CCDC192: variants seen among roughly 807,000 people sequenced by gnomAD.
The protein encoded by CCDC192 is coiled-coil domain-containing protein 192.
intron 6 of CCDC192, among the ~76,000 whole-genome samples, chr5:127,912,261 C>T (rs558696096): frequency 6.6e-6 from 1 of 151,830 alleles, no homozygotes; most frequent in African/African-American, 2.4e-5. Context: ...AACAAGGAAA[C>T]AACATCAAGC....
intron 2 of CCDC192, among the ~76,000 whole-genome samples, chr5:127,735,493 C>T (rs1355681748): frequency 2.5e-5 from 3 of 118,176 alleles, no homozygotes; most frequent in Non-Finnish European, 5.3e-5. Context: ...ATGGGGATGG[C>T]ATTGAATCTG....
intron 2 of CCDC192, among the ~76,000 whole-genome samples, chr5:127,745,140 T>A (rs1025285596): frequency 6.6e-6 from 1 of 152,176 alleles, no homozygotes; most frequent in Admixed American, 6.5e-5. Flanking sequence ...CAAAGTCCCA[T>A]CTGTCTTCTG....
At chr5:127,894,368 A>G (rs1752817497) in intron 6 of CCDC192, among the ~76,000 whole-genome samples, 1 of 151,440 alleles carries the variant, frequency 6.6e-6, no homozygotes, top group Non-Finnish European at 1.5e-5. Flanking sequence ...AATTTTTTGT[A>G]TTTTTAATAG....
intron 6 of CCDC192, among the ~76,000 whole-genome samples, chr5:127,886,502 C>T (rs1752563752): frequency 6.6e-6 from 1 of 152,142 alleles, no homozygotes; most frequent in African/African-American, 2.4e-5. Context: ...TCCTCGTCCT[C>T]CTCAGATGCT....
chr5:127,769,720 A>AT (rs1338489099), intron 3 of CCDC192, among the ~76,000 whole-genome samples: 1 of 152,192 alleles, frequency 6.6e-6, no homozygotes, highest in Non-Finnish European at 1.5e-5. Flanking sequence ...GTAATATTTT[A>AT]TTGTGAGGTT....
chr5:127,717,207 G>A (rs115244294), intron 2 of CCDC192, among the ~76,000 whole-genome samples: 2,583 of 152,164 alleles, frequency 0.017, 37 homozygotes, highest in African/African-American at 0.039. Flanking sequence ...TCATTGCAAT[G>A]TTCATATATT....
At chr5:127,859,889 G>C (rs1484964927) in intron 5 of CCDC192, among the ~76,000 whole-genome samples, 2 of 152,048 alleles carry the variant, frequency 1.3e-5, no homozygotes, top group Non-Finnish European at 2.9e-5. Context: ...ATTCTTACTT[G>C]ATTCTTTTTC....
intron 5 of CCDC192, among the ~76,000 whole-genome samples, chr5:127,824,908 A>G (rs529625420): frequency 6.6e-6 from 1 of 152,330 alleles, no homozygotes. Flanking sequence ...TTGTTTCGAG[A>G]GAAGCAATGA....
chr5:127,835,873 A>G (rs1750012677), intron 5 of CCDC192, among the ~76,000 whole-genome samples: 1 of 152,132 alleles, frequency 6.6e-6, no homozygotes, highest in African/African-American at 2.4e-5. Context: ...TTCGGTGGAG[A>G]GACAAAGCCT....
intron 3 of CCDC192, among the ~76,000 whole-genome samples, chr5:127,756,320 C>G (rs1754590820): frequency 6.6e-6 from 1 of 152,026 alleles, no homozygotes; most frequent in Admixed American, 6.6e-5. Context: ...GTGCAGGAGA[C>G]CGGGATTTTA....
At chr5:127,857,231 G>T (rs542534876) in intron 5 of CCDC192, among the ~76,000 whole-genome samples, 1 of 152,214 alleles carries the variant, frequency 6.6e-6, no homozygotes, top group Non-Finnish European at 1.5e-5. Flanking sequence ...CTTACATAGG[G>T]TTACTCAACT....
chr5:127,773,063 A>G (rs1580633451), intron 3 of CCDC192, among the ~76,000 whole-genome samples: 1 of 152,190 alleles, frequency 6.6e-6, no homozygotes, highest in African/African-American at 2.4e-5. Context: ...TAGCTACCTC[A>G]CAGAAGAGAA....
rs1322080678 is a variant in CCDC192, at chr5:127,840,725, A to T, written c.412-34813A>T. Reference sequence around the variant, plus strand: ...GACTAAATGTAAAATATTCATCATTATCTAGGTTTAAGAGCAAGACTAGTG... The same window carrying T: ...GACTAAATGTAAAATATTCATCATTTTCTAGGTTTAAGAGCAAGACTAGTG... On this transcript the variant is annotated intron_variant, in intron 5 of 6. Transcript: ENST00000514853. Among the ~76,000 whole-genome samples, 4 of 152,228 alleles carry T rather than the reference A, an allele frequency of 2.6e-5. No individual in the cohort carries two copies. The East Asian group carries it at 7.7e-4, about 29-fold the overall frequency.
intron 2 of CCDC192, among the ~76,000 whole-genome samples, chr5:127,723,840 A>G (rs758724699): frequency 1.4e-4 from 22 of 152,232 alleles, no homozygotes; most frequent in Non-Finnish European, 2.5e-4. Context: ...GTTTTGTTAA[A>G]CTGAAATTTG....
At chr5:127,901,859 T>C (rs1284759382) in intron 6 of CCDC192, among the ~76,000 whole-genome samples, 1 of 152,244 alleles carries the variant, frequency 6.6e-6, no homozygotes, top group Non-Finnish European at 1.5e-5. Context: ...TCTGCAACTT[T>C]AATAAGATCT....
chr5:127,918,691 A>G (rs1230902535), intron 6 of CCDC192, among the ~76,000 whole-genome samples: 2 of 152,210 alleles, frequency 1.3e-5, no homozygotes, highest in Admixed American at 1.3e-4. Flanking sequence ...ATAAAAGTGT[A>G]GCATTGATGA....
chr5:127,823,450 T>C (rs558993072), intron 5 of CCDC192, among the ~76,000 whole-genome samples: 1 of 152,320 alleles, frequency 6.6e-6, no homozygotes, highest in East Asian at 1.9e-4. Flanking sequence ...ATTCTTAACA[T>C]ATTCTTCTCT....
chr5:127,876,059 C>T (rs1752062656), intron 6 of CCDC192, among the ~76,000 whole-genome samples: 1 of 105,210 alleles, frequency 9.5e-6, no homozygotes, highest in Non-Finnish European at 1.9e-5. Flanking sequence ...GGGAAGAGAA[C>T]AGAATTTTTT....
rs192254145 is a variant in CCDC192, at chr5:127,716,525, T to A, written c.114+8765T>A. ...GTGAAGCTGTCAGGTCCTGAGCTTT[T>A]CTTTGATGGGAGATTTTTATTACTG... On this transcript the variant is annotated intron_variant, in intron 2 of 6. Coordinates refer to ENST00000514853, the MANE Select transcript of CCDC192 (RefSeq NM_001317938.2). Among the ~76,000 whole-genome samples, 497 of 152,338 alleles carry A rather than the reference T, an allele frequency of 3.3e-3. 3 individuals carry two copies. The highest frequency in any genetic ancestry group is 6.2e-3 in the South Asian group (30 of 4,832).
Sources: gnomAD v4.1 joint callset for allele counts (sites outside exome capture counted in the v4.1 genomes callset) on GRCh38, gnomAD v4.1.1 for gene constraint, MANE v1.5 for transcripts, NCBI Gene and HGNC (gene_info 2026-07-23, HGNC 2026-07-21) for gene names.